The following RAP1GAP2 variants were observed in gnomAD, a reference collection of about 807,000 sequenced individuals.
RAP1GAP2 encodes rap1 GTPase-activating protein 2.
A neutral mutation model predicts 95.0 loss-of-function variants in RAP1GAP2; 27 were observed. The ratio of observed to expected loss-of-function variants is 0.28; its 90% CI spans 0.21 to 0.39. The LOEUF (loss-of-function observed/expected upper bound fraction) is 0.39. Among genes scored for constraint, RAP1GAP2 ranks in the 10% least tolerant of loss-of-function variants. The pLI, the probability that RAP1GAP2 is intolerant of heterozygous loss-of-function variation, is 1.00. For missense variants in RAP1GAP2, 771 were observed against 970.0 expected, an observed-to-expected ratio of 0.79 and a Z score of 2.72; for synonymous variants, 373 against 380.9, an observed-to-expected ratio of 0.98 and a Z score of 0.24.
upstream of RAP1GAP2, among the ~76,000 whole-genome samples, chr17:2,795,211 T>A (rs1326338661): frequency 6.6e-6 from 1 of 151,798 alleles, no homozygotes; most frequent in Non-Finnish European, 1.5e-5. Flanking sequence ...TTTGAGACGT[T>A]TTCTTCCCTT....
At chr17:2,859,646 G>A (rs1375566232) in intron 2 of RAP1GAP2, among the ~76,000 whole-genome samples, 1 of 152,128 alleles carries the variant, frequency 6.6e-6, no homozygotes, top group Non-Finnish European at 1.5e-5. Context: ...ATGTTGCCCA[G>A]GCTGGTCTCG....
chr17:2,881,855 A>C (rs527637978), intron 2 of RAP1GAP2, among the ~76,000 whole-genome samples: 3 of 151,786 alleles, frequency 2.0e-5, no homozygotes, highest in Non-Finnish European at 4.4e-5. Flanking sequence ...GAGTCTCGCT[A>C]TGTCGCCCAA....
intron 4 of RAP1GAP2, among the ~76,000 whole-genome samples, chr17:2,959,281 T>A (rs112817013): frequency 0.013 from 1,907 of 152,180 alleles, 39 homozygotes; most frequent in African/African-American, 0.041. Context: ...AGTGTTGTGT[T>A]GTGTAGAGGC....
intron 8 of RAP1GAP2, among the ~76,000 whole-genome samples, chr17:2,975,600 A>G (rs4790397): frequency 0.71 from 107,282 of 152,124 alleles, 37,977 homozygotes; most frequent in East Asian, 0.77. Context: ...GGCTCTCTTC[A>G]CCCTCCCTGA....
intron 2 of RAP1GAP2, among the ~76,000 whole-genome samples, chr17:2,872,719 TTTG>T (rs1420191650): frequency 6.6e-6 from 1 of 151,916 alleles, no homozygotes; most frequent in Non-Finnish European, 1.5e-5. Context: ...AAGACAAAGT[TTTG>T]TTCTGTCACC....
Position 3,003,623 on chromosome 17 carries a change from C to T in RAP1GAP2, c.1201-1746C>T, listed in dbSNP as rs1260331434. Among the ~76,000 whole-genome samples, 3 of 152,192 alleles carry T rather than the reference C, an allele frequency of 2.0e-5. No individual in the cohort carries two copies. The highest frequency in any genetic ancestry group is 7.2e-5 in the African/African-American group (3 of 41,436). ...ATGACCCACACCAAGCTCCTTCCTC[C>T]TTCCAGCCATGCAGGTCCCTTCCCC... On this transcript the variant is annotated intron_variant, in intron 14 of 24. Transcript: ENST00000254695. The surrounding 1 kb of genome is among the most constrained non-coding windows in gnomAD (Gnocchi z 4.1).
At chr17:2,898,390 G>A (rs1447773369) in intron 2 of RAP1GAP2, among the ~76,000 whole-genome samples, 1 of 152,186 alleles carries the variant, frequency 6.6e-6, no homozygotes, top group Non-Finnish European at 1.5e-5. Context: ...GGAGCCTTTT[G>A]TTCCTGAATC....
intron 8 of RAP1GAP2, among the ~76,000 whole-genome samples, chr17:2,969,253 T>A (rs900245158): frequency 6.6e-6 from 1 of 151,736 alleles, no homozygotes; most frequent in Non-Finnish European, 1.5e-5. Flanking sequence ...TTCTTTTCAA[T>A]TGCCTTTGGA....
At position 3,003,594 on chromosome 17, in the gene RAP1GAP2, C is replaced by A. The variant is rs915008392; in HGVS notation, c.1201-1775C>A. 2.0e-5 allele frequency among the ~76,000 whole-genome samples: 3 copies of A among 152,214 alleles called. No homozygotes were observed. Among genetic ancestry groups the A allele is most frequent in the Admixed American group, 1.3e-4 (2 of 15,292 alleles). ...AAGCTTTCTGAGGTTCCCAGTGCAT[C>A]CTCATGACCCACACCAAGCTCCTTC... On this transcript the variant is annotated intron_variant, in intron 14 of 24. Transcript: ENST00000254695. The surrounding 1 kb of genome is among the most constrained non-coding windows in gnomAD (Gnocchi z 4.1).
intron 2 of RAP1GAP2, among the ~76,000 whole-genome samples, chr17:2,806,376 T>TTTATTATTATTATTATTG (rs1555545386): frequency 7.1e-6 from 1 of 139,942 alleles, no homozygotes; most frequent in African/African-American, 2.7e-5. Context: ...CTACAACCTT[T>TTTATTATTATTATTATTG]TTATTATTAT....
chr17:2,850,964 C>A (rs898068766), intron 2 of RAP1GAP2, among the ~76,000 whole-genome samples: 1 of 151,424 alleles, frequency 6.6e-6, no homozygotes, highest in Non-Finnish European at 1.5e-5. Flanking sequence ...GGAGGCTGAG[C>A]CAGGAGAATC....
intron 2 of RAP1GAP2, among the ~76,000 whole-genome samples, chr17:2,901,367 A>G (rs1185147089): frequency 6.6e-6 from 1 of 151,940 alleles, no homozygotes; most frequent in Non-Finnish European, 1.5e-5. Flanking sequence ...GCTTCTCTCC[A>G]TCCTCCTTTT....
At chr17:3,007,001 C>T (rs1374895028) in intron 16 of RAP1GAP2, among the ~76,000 whole-genome samples, 1 of 152,118 alleles carries the variant, frequency 6.6e-6, no homozygotes, top group Non-Finnish European at 1.5e-5. Context: ...GTGGCTCATG[C>T]ACAGCTGAAT....
Position 2,840,309 on chromosome 17 carries a change from G to A in RAP1GAP2, c.80+39759G>A, listed in dbSNP as rs367735601. On this transcript the variant is annotated intron_variant, in intron 2 of 24. Transcript: ENST00000254695. The stretch of plus-strand genomic sequence containing the variant: ...CTCCCGAGTAGCTGGGATTACAGGC[G>A]CCCACCACAACACCCAGCTAATTTT... Among the ~76,000 whole-genome samples the A allele has an allele frequency of 3.6e-4, 54 of 151,050 alleles. No homozygotes were observed. In the East Asian group the frequency reaches 8.9e-3, roughly 25 times the overall value.
intron 3 of RAP1GAP2, among the ~76,000 whole-genome samples, chr17:2,956,456 G>C (rs1389833888): frequency 1.3e-5 from 2 of 152,224 alleles, no homozygotes; most frequent in East Asian, 3.9e-4. Flanking sequence ...GGAGCTCCAG[G>C]CAGTTCTGGC....
rs2044548157 is a variant in RAP1GAP2, at chr17:2,965,422, T to C, written c.493-118T>C. ...TTAATGTCGTTGTCATTGTCATCAG[T>C]AGCATCCTTCTCTTCCTTGTTGCTG... On this transcript the variant is annotated intron_variant, in intron 7 of 24. Coordinates refer to ENST00000254695, the MANE Select transcript of RAP1GAP2 (RefSeq NM_015085.5). The surrounding 1 kb of genome is among the most constrained non-coding windows in gnomAD (Gnocchi z 4.7). 1.3e-6 allele frequency: 1 copy of C among 760,372 alleles called. No individual in the cohort carries two copies. The highest frequency in any genetic ancestry group is 2.2e-6 in the Non-Finnish European group (1 of 459,832). 47.1% of individuals were successfully genotyped at this position (760,372 alleles called of 1,614,324 possible).
chr17:2,786,799 C>T (rs2068789307), intron 1 of RAP1GAP2, among the ~76,000 whole-genome samples: 1 of 152,036 alleles, frequency 6.6e-6, no homozygotes, highest in African/African-American at 2.4e-5. Flanking sequence ...GCAGGTGCCA[C>T]CATGCCCGGC....
At chr17:2,946,426 A>G (rs12150217) in intron 3 of RAP1GAP2, among the ~76,000 whole-genome samples, 9,969 of 152,154 alleles carry the variant, frequency 0.066, 491 homozygotes, top group South Asian at 0.19. Flanking sequence ...GAGGTTTTTA[A>G]TTACTACGGA....
intron 2 of RAP1GAP2, among the ~76,000 whole-genome samples, chr17:2,894,461 A>G (rs1359498177): frequency 6.6e-6 from 1 of 151,894 alleles, no homozygotes; most frequent in African/African-American, 2.4e-5. Flanking sequence ...TAAAACCCCA[A>G]AGCCCTACAT....
Sources: allele counts gnomAD v4.1 joint callset (sites outside exome capture counted in the v4.1 genomes callset), GRCh38; gene constraint gnomAD v4.1.1; non-coding constraint Gnocchi (gnomAD v3.1); transcripts MANE v1.5; gene names NCBI Gene and HGNC (gene_info 2026-07-23, HGNC 2026-07-21).